Variants in GRM7 observed in about 807,000 individuals in gnomAD.
GRM7 encodes metabotropic glutamate receptor 7.
In GRM7, 35 loss-of-function variants were observed where a neutral mutation model predicts 84.5. The ratio of observed to expected loss-of-function variants is 0.41; its 90% CI spans 0.32 to 0.55. The LOEUF is 0.55. GRM7 is among the 20% of genes least tolerant of loss of function. GRM7 has a pLI of 0.19. For missense variants in GRM7, 1,003 were observed against 1,194.6 expected (o/e 0.84, Z 2.36); for synonymous variants, 487 against 455.1 (o/e 1.07, Z -0.89).
Position 7,064,479 on chromosome 3 carries a change from T to TATATATATATATATATATATACACACAC in GRM7, c.520-81972_520-81971insTATATATATATATATATATACACACACA. Among the ~76,000 whole-genome samples the TATATATATATATATATATATACACACAC allele has an allele frequency of 1.1e-3, 109 of 99,362 alleles. 1 individual carries two copies. The highest frequency in any genetic ancestry group is 3.2e-3 in the African/African-American group (82 of 25,754). 65.2% of individuals were successfully genotyped at this position (99,362 alleles called of 152,430 possible). A position where few individuals can be genotyped will look rare whatever the true frequency, so the allele number is the denominator to read the frequency against. ...ATATATATACATATATATATATATA[T>TATATATATATATATATATATACACACAC]ACACACATATACATATATATATACA... On this transcript the variant is annotated intron_variant, in intron 1 of 9. Transcript: ENST00000357716.
intron 9 of GRM7, chr3:7,681,845 A>G (rs527887243): frequency 1.2e-4 from 19 of 152,358 alleles, no homozygotes; most frequent in African/African-American, 4.6e-4. Context: ...GATAATAACT[A>G]TGTCATAAGT....
intron 2 of GRM7, among the ~76,000 whole-genome samples, chr3:7,241,537 A>C (rs916632211): frequency 6.6e-6 from 1 of 152,116 alleles, no homozygotes; most frequent in Non-Finnish European, 1.5e-5. Context: ...TTAAACAAAG[A>C]TGATTTACTT....
intron 8 of GRM7, among the ~76,000 whole-genome samples, chr3:7,639,059 C>T (rs914619814): frequency 6.6e-6 from 1 of 152,168 alleles, no homozygotes; most frequent in African/African-American, 2.4e-5. Flanking sequence ...CTCTTGACAG[C>T]CAAACTTAAA....
intron 1 of GRM7, among the ~76,000 whole-genome samples, chr3:7,019,471 A>G (rs1028651448): frequency 1.3e-5 from 2 of 152,188 alleles, no homozygotes; most frequent in African/African-American, 4.8e-5. Context: ...CCCTAAATCC[A>G]AACAAATAAA....
At chr3:7,202,875 C>T (rs1696112061) in intron 2 of GRM7, among the ~76,000 whole-genome samples, 1 of 152,090 alleles carries the variant, frequency 6.6e-6, no homozygotes, top group African/African-American at 2.4e-5. Flanking sequence ...TCTAAAAGCC[C>T]ACCAGCATTT....
At chr3:7,435,595 C>A (rs1697011418) in intron 5 of GRM7, among the ~76,000 whole-genome samples, 1 of 151,858 alleles carries the variant, frequency 6.6e-6, no homozygotes, top group African/African-American at 2.4e-5. Flanking sequence ...TCGCTGCAAC[C>A]TCAGCCTCCC....
intron 7 of GRM7, among the ~76,000 whole-genome samples, chr3:7,575,870 T>TG (rs1175883300): frequency 1.3e-5 from 2 of 152,162 alleles, no homozygotes; most frequent in Non-Finnish European, 2.9e-5. Flanking sequence ...AAAAAAAAGC[T>TG]GGGCAGCATT....
chr3:7,054,613 A>G (rs904228985), intron 1 of GRM7, among the ~76,000 whole-genome samples: 3 of 151,798 alleles, frequency 2.0e-5, no homozygotes, highest in African/African-American at 7.3e-5. Context: ...GAAGAAAGTC[A>G]CTTCTGTTCC....
chr3:7,568,156 C>A (rs1170090151), intron 7 of GRM7, among the ~76,000 whole-genome samples: 2 of 152,134 alleles, frequency 1.3e-5, no homozygotes, highest in Admixed American at 1.3e-4. Context: ...GGGCTCAGAA[C>A]TTTTCTTTAT....
At chr3:6,949,148 C>T (rs545260981) in intron 1 of GRM7, among the ~76,000 whole-genome samples, 18 of 152,224 alleles carry the variant, frequency 1.2e-4, no homozygotes, top group African/African-American at 4.3e-4. Flanking sequence ...TTATTCCTAG[C>T]CTCGATGGTC....
At chr3:7,546,124 A>G (rs111403025) in intron 7 of GRM7, among the ~76,000 whole-genome samples, 177 of 152,308 alleles carry the variant, frequency 1.2e-3, no homozygotes, top group African/African-American at 3.9e-3. Context: ...TTCATATGCA[A>G]GGAGTCTAAA....
intron 9 of GRM7, among the ~76,000 whole-genome samples, chr3:7,695,466 A>C (rs1228685306): frequency 6.6e-6 from 1 of 152,164 alleles, no homozygotes; most frequent in African/African-American, 2.4e-5. Flanking sequence ...AGAGATTATG[A>C]TTTTTAAATC....
chr3:7,644,406 A>G (rs1698527629), intron 8 of GRM7, among the ~76,000 whole-genome samples: 6 of 152,136 alleles, frequency 3.9e-5, no homozygotes, highest in Admixed American at 3.9e-4. Flanking sequence ...AGTTAGTTTT[A>G]ACGGCACAGG....
At chr3:7,229,497 A>T (rs1697090726) in intron 2 of GRM7, among the ~76,000 whole-genome samples, 1 of 151,702 alleles carries the variant, frequency 6.6e-6, no homozygotes, top group Non-Finnish European at 1.5e-5. Context: ...GTATTACGTT[A>T]AATTACCTCT....
At chr3:7,403,647 ATATG>A (rs1238527058) in intron 4 of GRM7, among the ~76,000 whole-genome samples, 2 of 144,022 alleles carry the variant, frequency 1.4e-5, no homozygotes, top group Non-Finnish European at 3.0e-5. Flanking sequence ...ATATATATAT[ATATG>A]TACATACACA....
At chr3:7,417,667 C>A (rs533526913) in intron 5 of GRM7, among the ~76,000 whole-genome samples, 11 of 152,188 alleles carry the variant, frequency 7.2e-5, no homozygotes, top group South Asian at 2.1e-4. Context: ...AACATAGCCC[C>A]CTTCACAGAG....
intron 1 of GRM7, among the ~76,000 whole-genome samples, chr3:7,039,229 A>G (rs759878321): frequency 9.2e-5 from 14 of 152,236 alleles, no homozygotes; most frequent in Non-Finnish European, 2.9e-5. Flanking sequence ...CTTTCAAGAA[A>G]GTATAAGTTG....
rs977020374 is a variant in GRM7 at position 7,452,495 on chromosome 3, G to A, written c.1175-112G>A. ...TTGAATTACTGTATTTATCGAAGCA[G>A]TGTTTTCTTTAAGCATAATTGAAAG... On this transcript the variant is annotated intron_variant, in intron 5 of 9. Transcript: ENST00000357716. 1.2e-5 allele frequency: 9 copies of A among 757,562 alleles called. No homozygotes were observed. The East Asian group carries it at 2.0e-4, about 17-fold the overall frequency. 46.9% of individuals were successfully genotyped at this position (757,562 alleles called of 1,614,324 possible).
chr3:7,213,154 T>C (rs1037320586), intron 2 of GRM7, among the ~76,000 whole-genome samples: 1 of 152,206 alleles, frequency 6.6e-6, no homozygotes, highest in African/African-American at 2.4e-5. Context: ...AGACTGTACT[T>C]TAGATACCAA....
Sources: allele counts gnomAD v4.1 joint callset (sites outside exome capture counted in the v4.1 genomes callset), GRCh38; gene constraint gnomAD v4.1.1; transcripts MANE v1.5; gene names NCBI Gene and HGNC (gene_info 2026-07-23, HGNC 2026-07-21).